Variants in PRSS53 observed in about 807,000 individuals in gnomAD.
PRSS53 encodes serine protease 53.
In PRSS53, 54 loss-of-function variants were observed where a neutral mutation model predicts 62.7. The ratio of observed to expected loss-of-function variants is 0.86; its 90% CI spans 0.69 to 1.08. The LOEUF is 1.08. Among genes scored for constraint, PRSS53 ranks in the 50% least tolerant of loss-of-function variants. PRSS53 has a pLI of 0.00. For missense variants in PRSS53, 688 were observed against 728.3 expected (o/e 0.94, Z 0.64); for synonymous variants, 273 against 300.0 (o/e 0.91, Z 0.93).
chr16:31,086,594 A>G, intron 4 of PRSS53, 39 bp downstream of exon 4: 1 of 1,545,916 alleles, frequency 6.5e-7, no homozygotes, highest in Non-Finnish European at 8.8e-7. Flanking sequence ...CTGGGCAAGC[A>G]GAGTGCCTCT....
intron 9 of PRSS53, 77 bp downstream of exon 9, chr16:31,084,481 G>A: frequency 3.9e-6 from 6 of 1,531,278 alleles, no homozygotes; most frequent in Non-Finnish European, 5.3e-6. Context: ...GGCCAAGCCT[G>A]GAAGGTCCGT....
Position 31,084,833 on chromosome 16 carries a change from T to TG in PRSS53, c.1225dup (p.His409ProfsTer4). 1 of 1,548,378 alleles carries TG rather than the reference T, an allele frequency of 6.5e-7. No homozygotes were observed. The highest frequency in any genetic ancestry group is 8.7e-7 in the Non-Finnish European group (1 of 1,144,440). On this transcript the variant is annotated frameshift_variant, in exon 8 of 11. Transcript: ENST00000280606. LOFTEE classifies it high-confidence loss of function. ...CCAGCCACGCTCCCCATCAGGCAGG[T>TG]GGTGGTCAGGATAGGGCAGGCAGAG...
Position 31,085,996 on chromosome 16 carries a change from G to T in PRSS53, c.851C>A (p.Thr284Asn), listed in dbSNP as rs773722081. Residue 284 changes from threonine (T) to asparagine (N), a missense_variant, in exon 6 of 11, where the codon ACC becomes AAC. Thr to Asn is a moderately conservative substitution (Grantham distance 65). Coordinates refer to ENST00000280606, the Ensembl canonical transcript of PRSS53. ...GCTGTCCTCATCACTCATCTCCGGG[G>T]TCTCTGGGCTCTGGGCCAGGAAAGC... 10 of 1,614,098 alleles carry T rather than the reference G, an allele frequency of 6.2e-6. No homozygotes were observed. The South Asian group carries it at 9.9e-5, about 16-fold the overall frequency.
At position 31,084,340 on chromosome 16, in the gene PRSS53, C is replaced by G. The variant is rs367974023; in HGVS notation, c.1426-5G>C. 21 of 1,609,608 alleles carry G rather than the reference C, an allele frequency of 1.3e-5. No homozygotes were observed. In the African/African-American group the frequency reaches 2.8e-4, roughly 21 times the overall value. On this transcript the variant is annotated splice_region_variant and splice_polypyrimidine_tract_variant and intron_variant, in intron 9 of 10. Transcript: ENST00000280606. ...CAGTGGTGCCCCAGACAGGCCCTGT[C>G]AGGGGTCAGGTGACACTGGGTGACT...
At chr16:31,084,646 C>T (rs755723285) in exon 9 of PRSS53, 27 of 1,608,910 alleles carry the variant, frequency 1.7e-5, no homozygotes, top group South Asian at 4.4e-5. Flanking sequence ...TGCATGCAGC[C>T]GGCTGCAGGC....
intron 3 of PRSS53, 200 bp from the exon 4 acceptor site, chr16:31,087,098 A>T: frequency 1.8e-6 from 1 of 570,964 alleles, no homozygotes. Context: ...CCCAGGCTCA[A>T]GCGATCCTCC....
At chr16:31,086,140 T>C (rs764166819) in exon 6 of PRSS53, 4 of 1,612,838 alleles carry the variant, frequency 2.5e-6, no homozygotes, top group Non-Finnish European at 3.4e-6. Flanking sequence ...CTGAACCCAG[T>C]GTCCGTCAGG....
exon 10 of PRSS53, chr16:31,084,267 G>A (rs957670736): frequency 2.5e-6 from 4 of 1,612,546 alleles, no homozygotes; most frequent in African/African-American, 2.7e-5. Context: ...AAGCATCTCC[G>A]AAGCTGTGCA....
chr16:31,087,620 A>G, exon 3 of PRSS53: 2 of 1,610,480 alleles, frequency 1.2e-6, no homozygotes, highest in South Asian at 1.1e-5. Context: ...GCCTCCTCAC[A>G]CTGGCCTGCC....
chr16:31,084,338 GT>G lies in PRSS53; in HGVS notation c.1426-4del, dbSNP rs775477895. On this transcript the variant is annotated splice_region_variant and splice_polypyrimidine_tract_variant and intron_variant, in intron 9 of 10. Transcript: ENST00000280606. ...ACCAGTGGTGCCCCAGACAGGCCCT[GT>G]CAGGGGTCAGGTGACACTGGGTGAC... 1 of 1,609,692 alleles carries G rather than the reference GT, an allele frequency of 6.2e-7. No individual in the cohort carries two copies. Among genetic ancestry groups the G allele is most frequent in the South Asian group, 1.1e-5 (1 of 90,310 alleles).
At chr16:31,084,084 G>A in intron 10 of PRSS53, 35 bp downstream of exon 10, 7 of 1,548,732 alleles carry the variant, frequency 4.5e-6, no homozygotes, top group Non-Finnish European at 6.1e-6. Flanking sequence ...GTCCTGGAGA[G>A]GCAGGGTTTG....
At chr16:31,086,893 G>T in exon 4 of PRSS53, 1 of 1,591,294 alleles carries the variant, frequency 6.3e-7, no homozygotes, top group Non-Finnish European at 8.6e-7. Flanking sequence ...TTCTGTTGCT[G>T]CTGCCCTGGA....
exon 4 of PRSS53, chr16:31,086,811 C>T (rs377393908): frequency 6.2e-7 from 1 of 1,613,534 alleles, no homozygotes; most frequent in Non-Finnish European, 8.5e-7. Context: ...GGGCAGCCAC[C>T]CCCACCTCTT....
intron 6 of PRSS53, among the ~76,000 whole-genome samples, 177 bp from the exon 7 acceptor site, chr16:31,085,437 G>A (rs531940015): frequency 2.0e-5 from 3 of 152,276 alleles, no homozygotes; most frequent in South Asian, 2.1e-4. Flanking sequence ...GCAGACTTGC[G>A]ATTCGCAAGC....
chr16:31,086,512 G>A, intron 4 of PRSS53, 21 bp from the exon 5 acceptor site: 1 of 1,599,416 alleles, frequency 6.3e-7, no homozygotes, highest in Non-Finnish European at 8.5e-7. Context: ...AGACGGGGCT[G>A]GGGCTAGAGT....
At chr16:31,083,945 A>G in intron 10 of PRSS53, 136 bp from the exon 11 acceptor site, 2 of 1,498,510 alleles carry the variant, frequency 1.3e-6, no homozygotes, top group South Asian at 1.3e-5. Context: ...AAAGCGGTTG[A>G]GCAGCCTGCT....
intron 2 of PRSS53, 43 bp from the exon 3 acceptor site, chr16:31,087,742 T>C: frequency 6.2e-7 from 1 of 1,614,140 alleles, no homozygotes; most frequent in Non-Finnish European, 8.5e-7. Flanking sequence ...ATACCTGTCC[T>C]GACCTCACCC....
exon 6 of PRSS53, chr16:31,086,050 G>T: frequency 6.2e-7 from 1 of 1,613,994 alleles, no homozygotes; most frequent in East Asian, 2.2e-5. Context: ...CTGCAGCCAG[G>T]AACTGTGAGC....
chr16:31,083,709 A>G (rs1437316748), exon 11 of PRSS53: 11 of 1,611,090 alleles, frequency 6.8e-6, no homozygotes, highest in South Asian at 6.6e-5. Flanking sequence ...GGAATCACAC[A>G]TGACAGGGTG....
Sources: allele counts gnomAD v4.1 joint callset (sites outside exome capture counted in the v4.1 genomes callset), GRCh38; gene constraint gnomAD v4.1.1; transcripts MANE v1.5; gene names NCBI Gene and HGNC (gene_info 2026-07-23, HGNC 2026-07-21).